The following NAV3 variants were observed in gnomAD, a reference collection of about 807,000 sequenced individuals.
NAV3 encodes the protein neuron navigator 3, also known as pore membrane and/or filament interacting like protein 1.
NAV3 carries 87 observed loss-of-function variants against 244.7 expected under a neutral mutation model. The ratio of observed to expected loss-of-function variants is 0.36; its 90% CI spans 0.30 to 0.42. NAV3 has a LOEUF of 0.42. Among genes scored for constraint, NAV3 ranks in the 20% least tolerant of loss-of-function variants. The pLI, the probability that NAV3 is intolerant of heterozygous loss-of-function variation, is 1.00. For synonymous variants in NAV3, 1,126 were observed against 1,042.2 expected, an observed-to-expected ratio of 1.08 and a Z score of -1.55; for missense variants, 2,663 against 2,893.3, an observed-to-expected ratio of 0.92 and a Z score of 1.83.
chr12:77,823,564 T>C (rs942774649), intron 2 of NAV3, among the ~76,000 whole-genome samples: 1 of 152,240 alleles, frequency 6.6e-6, no homozygotes, highest in Non-Finnish European at 1.5e-5. Flanking sequence ...TTACAAATGG[T>C]GCAAAATTAG....
chr12:78,124,152 C>T (rs1429334969), intron 16 of NAV3, among the ~76,000 whole-genome samples: 1 of 152,172 alleles, frequency 6.6e-6, no homozygotes, highest in Non-Finnish European at 1.5e-5. Context: ...GCCATTTAGC[C>T]ATCAGCCTAT....
chr12:77,622,348 A>G lies in NAV3; in HGVS notation c.72+50082A>G, dbSNP rs552253672. ...ATAATTTTTTGTATTTTTAGTAGAG[A>G]CAGGGTTTCACCGTGTTAGCCAGGA... On this transcript the variant is annotated intron_variant, in intron 2 of 8. Coordinates refer to the NAV3 transcript ENST00000550042. Among the ~76,000 whole-genome samples the G allele has an allele frequency of 1.5e-4, 23 of 151,836 alleles. 1 individual carries two copies. In the East Asian group the frequency reaches 3.9e-3, roughly 26 times the overall value.
At chr12:77,855,949 T>C (rs537778587) in intron 1 of NAV3, among the ~76,000 whole-genome samples, 2 of 152,360 alleles carry the variant, frequency 1.3e-5, no homozygotes, top group African/African-American at 4.8e-5. Context: ...TGGTGTATTT[T>C]ATATAGCAAG....
intron 2 of NAV3, among the ~76,000 whole-genome samples, chr12:77,793,022 C>T (rs1043085319): frequency 6.6e-6 from 1 of 152,124 alleles, no homozygotes; most frequent in African/African-American, 2.4e-5. Context: ...GCTTAGTTAT[C>T]CCAGGAAGCT....
intron 1 of NAV3, among the ~76,000 whole-genome samples, chr12:77,903,030 G>A (rs942351034): frequency 6.6e-6 from 1 of 152,150 alleles, no homozygotes; most frequent in African/African-American, 2.4e-5. Context: ...CATGCTCATG[G>A]GTAGGAAGAA....
chr12:77,580,209 G>T (rs1280353561), intron 2 of NAV3, among the ~76,000 whole-genome samples: 1 of 144,374 alleles, frequency 6.9e-6, no homozygotes, highest in Non-Finnish European at 1.5e-5. Flanking sequence ...TTATTTGGGG[G>T]TAGGGTGGGA....
intron 2 of NAV3, among the ~76,000 whole-genome samples, chr12:77,745,210 A>G (rs1868474784): frequency 6.6e-6 from 1 of 152,104 alleles, no homozygotes; most frequent in African/African-American, 2.4e-5. Flanking sequence ...CATTAAAACC[A>G]ATACTTTGTT....
chr12:78,208,903 T>C (rs1407441741), intron 39 of NAV3, among the ~76,000 whole-genome samples: 1 of 151,836 alleles, frequency 6.6e-6, no homozygotes, highest in African/African-American at 2.4e-5. Flanking sequence ...GAGTGACAGA[T>C]AGATAAAAGA....
At chr12:78,183,422 A>G (rs2139773838) in intron 30 of NAV3, among the ~76,000 whole-genome samples, 2 of 152,038 alleles carry the variant, frequency 1.3e-5, no homozygotes, top group Middle Eastern at 6.8e-3. Flanking sequence ...CAATAACTCT[A>G]CCAGGAAGGT....
intron 34 of NAV3, among the ~76,000 whole-genome samples, chr12:78,192,169 T>G (rs1959011755): frequency 6.6e-6 from 1 of 152,066 alleles, no homozygotes; most frequent in African/African-American, 2.4e-5. Flanking sequence ...AGAGATGTTC[T>G]GTTAAGAACA....
chr12:78,137,444 A>C, intron 19 of NAV3, 79 bp downstream of exon 19: 1 of 1,380,672 alleles, frequency 7.2e-7, no homozygotes, highest in Non-Finnish European at 9.7e-7. Flanking sequence ...CTCACATCAC[A>C]AAGATTCCTG....
At chr12:77,880,310 G>A (rs1283776396) in intron 1 of NAV3, among the ~76,000 whole-genome samples, 1 of 152,118 alleles carries the variant, frequency 6.6e-6, no homozygotes, top group East Asian at 1.9e-4. Flanking sequence ...GTCTTTTAGT[G>A]AAATCACATC....
intron 1 of NAV3, among the ~76,000 whole-genome samples, chr12:77,879,841 A>G (rs1022379176): frequency 6.6e-6 from 1 of 152,162 alleles, no homozygotes; most frequent in Non-Finnish European, 1.5e-5. Context: ...ATGTTAAGCC[A>G]AAGTCATGTT....
chr12:77,888,563 T>G (rs1003796466), intron 1 of NAV3, among the ~76,000 whole-genome samples: 3 of 152,204 alleles, frequency 2.0e-5, no homozygotes, highest in Non-Finnish European at 2.9e-5. Context: ...CTTAATACAG[T>G]AAGACAAAGT....
intron 2 of NAV3, among the ~76,000 whole-genome samples, chr12:77,691,360 T>TATATATATATATATATAC (rs60932712): frequency 7.4e-5 from 10 of 134,834 alleles, no homozygotes; most frequent in African/African-American, 2.2e-4. Flanking sequence ...TATATACATA[T>TATATATATATATATATAC]CCATTCTTGT....
Position 78,044,393 on chromosome 12 carries a change from A to G in NAV3, c.2024-5600A>G, listed in dbSNP as rs190044835. On this transcript the variant is annotated intron_variant, in intron 9 of 39. Coordinates refer to ENST00000397909, the MANE Select transcript of NAV3 (RefSeq NM_001024383.2). ...GCTTCCAGCTTTGTTCTTTTTCTTT[A>G]GGATTATCTTGGCTATACGGGCTCT... is the stretch of plus-strand genomic sequence containing the variant. 1.4e-4 allele frequency among the ~76,000 whole-genome samples: 22 copies of G among 152,206 alleles called. No individual in the cohort carries two copies. In the East Asian group the frequency reaches 3.7e-3, roughly 25 times the overall value.
intron 2 of NAV3, among the ~76,000 whole-genome samples, chr12:77,681,236 G>T (rs1874443128): frequency 6.6e-6 from 1 of 152,172 alleles, no homozygotes; most frequent in Admixed American, 6.6e-5. Context: ...AAAATTAAAA[G>T]TCATGTTAAG....
chr12:78,109,455 C>T (rs1366887827), intron 12 of NAV3, among the ~76,000 whole-genome samples: 1 of 151,924 alleles, frequency 6.6e-6, no homozygotes, highest in Non-Finnish European at 1.5e-5. Flanking sequence ...TCTACATGAC[C>T]AGTGTCACCT....
intron 9 of NAV3, among the ~76,000 whole-genome samples, chr12:78,048,823 C>T (rs552657916): frequency 6.6e-6 from 1 of 152,316 alleles, no homozygotes; most frequent in African/African-American, 2.4e-5. Flanking sequence ...CCCACAGCCG[C>T]CCCTTCCCCC....
Sources: allele counts gnomAD v4.1 joint callset (sites outside exome capture counted in the v4.1 genomes callset), GRCh38; gene constraint gnomAD v4.1.1; transcripts MANE v1.5; gene names NCBI Gene and HGNC (gene_info 2026-07-23, HGNC 2026-07-21).